The following PPARGC1A variants were observed in gnomAD, a reference collection of about 807,000 sequenced individuals.
PPARGC1A encodes peroxisome proliferator-activated receptor gamma coactivator 1-alpha.
PPARGC1A carries 25 observed loss-of-function variants against 88.7 expected under a neutral mutation model. That is an observed-to-expected ratio of 0.28 (90% confidence interval 0.21 to 0.39). PPARGC1A has a LOEUF of 0.39. PPARGC1A is among the 10% of genes least tolerant of loss of function. The probability of loss-of-function intolerance (pLI) is 1.00; values close to 1 mark genes in which losing one functional copy is unlikely to be tolerated. For synonymous variants in PPARGC1A, 363 were observed against 355.6 expected (o/e 1.02, Z -0.24); for missense variants, 880 against 968.7 (o/e 0.91, Z 1.22).
chr4:23,873,928 A>G (rs1363537245), intron 2 of PPARGC1A, among the ~76,000 whole-genome samples: 12 of 152,220 alleles, frequency 7.9e-5, no homozygotes, highest in Admixed American at 7.9e-4. Context: ...GCCAATTAGC[A>G]TTCACCCGAG....
chr4:24,232,077 T>C, the PPARGC1A span, among the ~76,000 whole-genome samples: 2 of 152,152 alleles, frequency 1.3e-5, no homozygotes, highest in Non-Finnish European at 2.9e-5. Context: ...TTGAAATATG[T>C]CTCAATCTGT....
the PPARGC1A span, among the ~76,000 whole-genome samples, chr4:24,221,235 T>A: frequency 6.6e-6 from 1 of 152,228 alleles, no homozygotes; most frequent in African/African-American, 2.4e-5. Context: ...ATTTTTACTA[T>A]ATTTTATTAC....
At chr4:24,140,059 T>C in the PPARGC1A span, among the ~76,000 whole-genome samples, 2,202 of 152,148 alleles carry the variant, frequency 0.014, 54 homozygotes, top group African/African-American at 0.049. Context: ...GCCCTACCAT[T>C]CCAGAGGTCA....
At chr4:24,111,910 T>G in the PPARGC1A span, among the ~76,000 whole-genome samples, 1 of 152,208 alleles carries the variant, frequency 6.6e-6, no homozygotes, top group African/African-American at 2.4e-5. Context: ...TCTGCCCAAA[T>G]AGTTTTACTT....
chr4:23,810,977 C>A (rs1720789549), intron 10 of PPARGC1A, among the ~76,000 whole-genome samples: 1 of 152,140 alleles, frequency 6.6e-6, no homozygotes, highest in African/African-American at 2.4e-5. Flanking sequence ...TAAGTGTTAA[C>A]TAATGACACT....
chr4:24,472,343 G>A, the PPARGC1A span, among the ~76,000 whole-genome samples: 3 of 151,424 alleles, frequency 2.0e-5, no homozygotes, highest in Admixed American at 2.0e-4. The surrounding 1 kb of genome is among the most constrained non-coding windows in gnomAD (Gnocchi z 4.5). Context: ...GGCAAGGGGC[G>A]CGACGCCGCC....
chr4:24,244,769 G>GC, the PPARGC1A span, among the ~76,000 whole-genome samples: 5 of 152,272 alleles, frequency 3.3e-5, no homozygotes, highest in East Asian at 9.7e-4. Flanking sequence ...TTCACAGACA[G>GC]CCCCCACAAC....
chr4:24,408,018 A>G, the PPARGC1A span, among the ~76,000 whole-genome samples: 12 of 152,206 alleles, frequency 7.9e-5, no homozygotes, highest in African/African-American at 2.9e-4. Context: ...ATATCACCAA[A>G]GAGAGACAAA....
At chr4:24,143,994 C>T in the PPARGC1A span, among the ~76,000 whole-genome samples, 13 of 152,220 alleles carry the variant, frequency 8.5e-5, no homozygotes, top group African/African-American at 3.1e-4. Context: ...ATGTGCTTTT[C>T]ACTTATTCAC....
At chr4:23,990,003 A>ATATGTATCTTATATATAGATATGTATATC in the PPARGC1A span, among the ~76,000 whole-genome samples, 1 of 147,036 alleles carries the variant, frequency 6.8e-6, no homozygotes, top group Non-Finnish European at 1.5e-5. Context: ...TTATATATAG[A>ATATGTATCTTATATATAGATATGTATATC]TATGTATCTT....
At chr4:23,845,360 A>C (rs534812740) in intron 2 of PPARGC1A, among the ~76,000 whole-genome samples, 2 of 152,290 alleles carry the variant, frequency 1.3e-5, no homozygotes, top group African/African-American at 4.8e-5. Flanking sequence ...ATAAAGACTT[A>C]GCACCACAAG....
chr4:23,947,365 A>ATCAC, the PPARGC1A span, among the ~76,000 whole-genome samples: 3 of 14,658 alleles, frequency 2.0e-4, no homozygotes, highest in Non-Finnish European at 5.4e-4. Flanking sequence ...ATATATATAT[A>ATCAC]TATATATATA....
chr4:24,393,213 G>A, the PPARGC1A span, among the ~76,000 whole-genome samples: 1 of 152,170 alleles, frequency 6.6e-6, no homozygotes, highest in African/African-American at 2.4e-5. Context: ...GCTGAAATGG[G>A]AGTCAAGCAA....
chr4:23,836,875 T>A (rs10213608), intron 2 of PPARGC1A, among the ~76,000 whole-genome samples: 3,018 of 152,172 alleles, frequency 0.02, 89 homozygotes, highest in African/African-American at 0.069. Flanking sequence ...ATAAATCCAC[T>A]AAATTAAGGA....
the PPARGC1A span, among the ~76,000 whole-genome samples, chr4:24,283,095 T>C: frequency 6.6e-6 from 1 of 152,172 alleles, no homozygotes; most frequent in African/African-American, 2.4e-5. Flanking sequence ...TGAAGATATA[T>C]GACTGATTCC....
chr4:24,188,565 A>G, the PPARGC1A span, among the ~76,000 whole-genome samples: 3 of 152,118 alleles, frequency 2.0e-5, no homozygotes, highest in African/African-American at 4.8e-5. Context: ...AATTCAAGTA[A>G]AGGTCCCAAT....
the PPARGC1A span, among the ~76,000 whole-genome samples, chr4:24,385,505 TAAA>T: frequency 6.6e-6 from 1 of 151,522 alleles, no homozygotes; most frequent in Non-Finnish European, 1.5e-5. Context: ...GCCAGACTAA[TAAA>T]GAAGAAAAGA....
the PPARGC1A span, among the ~76,000 whole-genome samples, chr4:23,914,028 G>A: frequency 6.6e-6 from 1 of 152,328 alleles, no homozygotes; most frequent in East Asian, 1.9e-4. Context: ...AAGCTAAGCA[G>A]GAGCTGCTAG....
chr4:23,884,958 A>G lies in PPARGC1A; in HGVS notation c.55-27T>C, dbSNP rs17847344. 2.0e-6 allele frequency: 3 copies of G among 1,517,456 alleles called. No individual in the cohort carries two copies. The Admixed American group carries it at 6.5e-5, about 33-fold the overall frequency. The allele number at this position is 1,517,456 out of a possible 1,614,324, so 94.0% of individuals were successfully genotyped here. A position where few individuals can be genotyped will look rare whatever the true frequency, so the allele number is the denominator to read the frequency against. On this transcript the variant is annotated intron_variant, in intron 1 of 12. Transcript: ENST00000264867. ...TGCAGGAGGCAGAAAAAAAAAATTTAAAAAAGCTTCCATTAACCACAGGAA... is the reference window on the plus strand; with the variant it reads ...TGCAGGAGGCAGAAAAAAAAAATTTGAAAAAGCTTCCATTAACCACAGGAA...
Sources: gnomAD v4.1 joint callset for allele counts (sites outside exome capture counted in the v4.1 genomes callset) on GRCh38, gnomAD v4.1.1 for gene constraint, Gnocchi (gnomAD v3.1) non-coding constraint, MANE v1.5 for transcripts, NCBI Gene and HGNC (gene_info 2026-07-23, HGNC 2026-07-21) for gene names.